MINK1: variants seen among roughly 807,000 people sequenced by gnomAD.
The protein encoded by MINK1 is misshapen like kinase 1.
Under a neutral mutation model 178.4 loss-of-function variants are expected in MINK1, and 46 were observed. The observed-to-expected ratio is 0.26, with a 90% CI of 0.20 to 0.33. The LOEUF (loss-of-function observed/expected upper bound fraction) is 0.33. Ranked by LOEUF, MINK1 falls within the 10% of genes least tolerant of loss-of-function variation. The pLI, the probability that MINK1 is intolerant of heterozygous loss-of-function variation, is 1.00. For missense variants in MINK1, 1,366 were observed against 1,814.9 expected (o/e 0.75, Z 4.49); for synonymous variants, 797 against 709.7 (o/e 1.12, Z -1.96).
At chr17:4,893,357 G>A in intron 20 of MINK1, 77 bp from the exon 21 acceptor site, 1 of 1,612,398 alleles carries the variant, frequency 6.2e-7, no homozygotes, top group South Asian at 1.1e-5. Flanking sequence ...TCGCCCTGCT[G>A]GGGTGTCCCG....
At position 4,896,910 on chromosome 17, in the gene MINK1, T is replaced by C; in HGVS notation, c.3915+97T>C. 1.4e-6 allele frequency: 2 copies of C among 1,450,502 alleles called. No homozygotes were observed. Among genetic ancestry groups the C allele is most frequent in the Non-Finnish European group, 1.8e-6 (2 of 1,096,298 alleles). 89.9% of individuals were successfully genotyped at this position (1,450,502 alleles called of 1,614,324 possible). On this transcript the variant is annotated intron_variant, in intron 31 of 31. Coordinates refer to ENST00000355280, the MANE Select transcript of MINK1 (RefSeq NM_153827.5). The surrounding 1 kb of genome is among the most constrained non-coding windows in gnomAD (Gnocchi z 4.6). ...TGGGGAGAGGATGGTGGTGGTGGCT[T>C]CCTGAAAGCGGGCCCCTCTGGGAGC...
At chr17:4,851,100 C>T in intron 1 of MINK1, 5 of 451,104 alleles carry the variant, frequency 1.1e-5, no homozygotes, top group South Asian at 7.8e-5. Context: ...CCTGAACTGC[C>T]ACACTTCACC....
chr17:4,895,548 A>G lies in MINK1; in HGVS notation c.3229+55A>G. The G allele has an allele frequency of 1.3e-6, 2 of 1,551,594 alleles. No homozygotes were observed. The highest frequency in any genetic ancestry group is 1.7e-6 in the Non-Finnish European group (2 of 1,145,356). On this transcript the variant is annotated intron_variant, in intron 26 of 31. Coordinates refer to ENST00000355280, the MANE Select transcript of MINK1 (RefSeq NM_153827.5). This position sits in a 1 kb window ranked among gnomAD's most constrained non-coding sequence, Gnocchi z 4.3. The stretch of plus-strand genomic sequence containing the variant: ...AGGGGCTCAGCTCCTTGGCGCTGTC[A>G]CCATCTTCTGCCTGGGAGGAGGGCA...
At chr17:4,892,088 T>G in intron 16 of MINK1, 61 bp from the exon 17 acceptor site, 2 of 1,396,046 alleles carry the variant, frequency 1.4e-6, no homozygotes, top group Non-Finnish European at 2.0e-6. Flanking sequence ...AGGTGAGGCT[T>G]AAACATCTGA....
At chr17:4,843,473 G>T (rs143663734) in intron 1 of MINK1, among the ~76,000 whole-genome samples, 1 of 149,952 alleles carries the variant, frequency 6.7e-6, no homozygotes, top group Admixed American at 6.7e-5. Context: ...ACGAGACTCC[G>T]TCACAAAAAA....
chr17:4,892,726 C>A lies in MINK1; in HGVS notation c.2269C>A (p.His757Asn). 6.2e-7 allele frequency: 1 copy of A among 1,612,004 alleles called. No individual in the cohort carries two copies. Among genetic ancestry groups the A allele is most frequent in the South Asian group, 1.1e-5 (1 of 90,968 alleles). ...SDSVLPASHG[H>N]LPQAGSLERN... ...CAGCGTCCTTCCAGCCTCTCACGGGCACCTCCCCCAGGCTGGCTCACTGGA... is the reference window on the plus strand; with the variant it reads ...CAGCGTCCTTCCAGCCTCTCACGGGAACCTCCCCCAGGCTGGCTCACTGGA... The change falls in exon 19 of 32, where the codon CAC becomes AAC. Residue 757 changes from histidine (H) to asparagine (N), a missense_variant. By Grantham distance (68) the His-to-Asn change is moderately conservative. Around this residue, in one of 14 missense-constraint regions of MINK1, gnomAD observed 709 missense variants for 692.3 expected, o/e 1.02. Coordinates refer to ENST00000355280, the MANE Select transcript of MINK1 (RefSeq NM_153827.5).
chr17:4,895,800 G>A lies in MINK1; in HGVS notation c.3332G>A (p.Gly1111Glu), dbSNP rs1372236808. Residue 1111 changes from glycine to glutamate, a missense_variant, in exon 27 of 32, where the codon GGG becomes GAG. Around this residue, in one of 14 missense-constraint regions of MINK1, gnomAD observed 77 missense variants for 119.5 expected, o/e 0.64. Transcript: ENST00000355280. This position sits in a 1 kb window ranked among gnomAD's most constrained non-coding sequence, Gnocchi z 4.3. ...VEKKQGWTTV[G>E]DMEGCGHYRV... ...AAGAAGCAGGGCTGGACCACCGTGGGGGACATGGAGGGCTGCGGGCACTAC... is the reference window on the plus strand; with the variant it reads ...AAGAAGCAGGGCTGGACCACCGTGGAGGACATGGAGGGCTGCGGGCACTAC... 6.2e-7 allele frequency: 1 copy of A among 1,613,798 alleles called. No homozygotes were observed.
In MINK1 at chr17:4,887,868, CAGGTTTTAAA is replaced by C; in HGVS notation, c.1230+80_1230+89del. 8.2e-7 allele frequency: 1 copy of C among 1,218,600 alleles called. No homozygotes were observed. Among genetic ancestry groups the C allele is most frequent in the Non-Finnish European group, 1.1e-6 (1 of 917,754 alleles). 75.5% of individuals were successfully genotyped at this position (1,218,600 alleles called of 1,614,324 possible). On this transcript the variant is annotated intron_variant, in intron 12 of 31. Transcript: ENST00000355280. This position sits in a 1 kb window ranked among gnomAD's most constrained non-coding sequence, Gnocchi z 7.6. ...CCGGGTCCATTAGGGCCTTGGAGAA[CAGGTTTTAAA>C]ATGCCTTAAATGAATGGCATTTCTG...
intron 1 of MINK1, chr17:4,875,048 T>A (rs1967056180): frequency 1.9e-6 from 1 of 519,978 alleles, no homozygotes; most frequent in Non-Finnish European, 3.8e-6. Flanking sequence ...CCTGTCTCCC[T>A]CCTTCTCAGA....
At chr17:4,853,749 G>A (rs897995964) in intron 1 of MINK1, among the ~76,000 whole-genome samples, 1 of 152,184 alleles carries the variant, frequency 6.6e-6, no homozygotes, top group South Asian at 2.1e-4. Context: ...GATCTCGGAC[G>A]GAAACTGATT....
rs747288610 is a variant in MINK1 at position 4,895,983 on chromosome 17, C to T, written c.3365-20C>T. On this transcript the variant is annotated intron_variant, in intron 27 of 31. Transcript: ENST00000355280. The surrounding 1 kb of genome is among the most constrained non-coding windows in gnomAD (Gnocchi z 4.3). ...CGCAAGAAGGGAAGTCTCAGCATCC[C>T]TCTTCTCTCCCGCCCCCAGTGAAAT... 7.6e-6 allele frequency: 12 copies of T among 1,579,980 alleles called. No individual in the cohort carries two copies. Among genetic ancestry groups the T allele is most frequent in the Admixed American group, 5.5e-5 (3 of 54,400 alleles).
intron 1 of MINK1, among the ~76,000 whole-genome samples, chr17:4,842,999 A>G (rs72835017): frequency 0.086 from 13,145 of 152,274 alleles, 563 homozygotes; most frequent in Non-Finnish European, 0.096. Context: ...TGCCTTCCAC[A>G]GCTCGCTGTT....
chr17:4,866,998 G>A (rs1484179626), intron 1 of MINK1, among the ~76,000 whole-genome samples: 4 of 150,068 alleles, frequency 2.7e-5, no homozygotes, highest in South Asian at 2.1e-4. Context: ...GCGTGAACCC[G>A]GGAGGCGGAG....
chr17:4,884,092 C>T (rs750310940), intron 4 of MINK1, among the ~76,000 whole-genome samples: 4 of 148,072 alleles, frequency 2.7e-5, no homozygotes, highest in Non-Finnish European at 5.9e-5. Flanking sequence ...GTCTTGAACT[C>T]CTGACCTCAG....
chr17:4,857,471 T>TTG (rs1913377414), intron 1 of MINK1: 1 of 143,434 alleles, frequency 7.0e-6, no homozygotes, highest in African/African-American at 2.6e-5. Flanking sequence ...TTTTTTTTTT[T>TTG]TTTTTTTTTT....
Position 4,886,743 on chromosome 17 carries a change from CCT to C in MINK1, c.949+118_949+119del. ...GCTCCCCTCCTTGGCCCCAGCTCTCCCTGTCCAAGGAGATCGTTCTCAAACTT... is the reference window on the plus strand; with the variant it reads ...GCTCCCCTCCTTGGCCCCAGCTCTCCGTCCAAGGAGATCGTTCTCAAACTT... On this transcript the variant is annotated intron_variant, in intron 10 of 31. Coordinates refer to ENST00000355280, the MANE Select transcript of MINK1 (RefSeq NM_153827.5). This position sits in a 1 kb window ranked among gnomAD's most constrained non-coding sequence, Gnocchi z 6.1. 1.7e-6 allele frequency: 2 copies of C among 1,183,114 alleles called. No individual in the cohort carries two copies. Among genetic ancestry groups the C allele is most frequent in the Non-Finnish European group, 2.3e-6 (2 of 869,404 alleles). 73.3% of individuals were successfully genotyped at this position (1,183,114 alleles called of 1,614,324 possible).
intron 1 of MINK1, among the ~76,000 whole-genome samples, chr17:4,863,010 G>A (rs1008402694): frequency 6.6e-5 from 10 of 152,102 alleles, no homozygotes; most frequent in African/African-American, 2.4e-4. Context: ...ACTCCAGCCT[G>A]GGCAACATTG....
chr17:4,840,839 G>T (rs1910107422), intron 1 of MINK1, among the ~76,000 whole-genome samples: 1 of 152,154 alleles, frequency 6.6e-6, no homozygotes, highest in South Asian at 2.1e-4. Context: ...TCCTGAAGGA[G>T]CCAGGCTCTG....
intron 1 of MINK1, among the ~76,000 whole-genome samples, chr17:4,856,436 T>C (rs575322130): frequency 2.0e-5 from 3 of 151,382 alleles, no homozygotes; most frequent in East Asian, 3.9e-4. Flanking sequence ...ACTCACACTC[T>C]CTTTTTTTTT....
Sources: allele counts gnomAD v4.1 joint callset (sites outside exome capture counted in the v4.1 genomes callset), GRCh38; gene constraint gnomAD v4.1.1; regional missense constraint gnomAD v4.1.1; non-coding constraint Gnocchi (gnomAD v3.1); transcripts MANE v1.5; gene names NCBI Gene and HGNC (gene_info 2026-07-23, HGNC 2026-07-21).